The following TUBA4B variants were observed in gnomAD, a reference collection of about 807,000 sequenced individuals.
The protein encoded by TUBA4B is tubulin-like protein alpha-4B.
Under a neutral mutation model 18.4 loss-of-function variants are expected in TUBA4B, and 13 were observed. That is an observed-to-expected ratio of 0.71 (90% CI 0.46 to 1.12). The LOEUF (loss-of-function observed/expected upper bound fraction) is 1.12, where lower values mean the gene tolerates loss of function less well. TUBA4B is among the 50% of genes most tolerant of loss of function. TUBA4B has a pLI of 0.00. For missense variants in TUBA4B, 244 were observed against 250.0 expected, an observed-to-expected ratio of 0.98 and a Z score of 0.16; for synonymous variants, 101 against 99.1, an observed-to-expected ratio of 1.02 and a Z score of -0.11.
intron 1 of TUBA4B, among the ~76,000 whole-genome samples, chr2:219,265,032 A>C (rs1326459840): frequency 1.3e-5 from 2 of 152,160 alleles, no homozygotes; most frequent in African/African-American, 4.8e-5. Flanking sequence ...TGTTGAAGCT[A>C]GTGGGAGGCA....
At chr2:219,267,855 A>G (rs1574894017) in intron 2 of TUBA4B, among the ~76,000 whole-genome samples, 1 of 151,750 alleles carries the variant, frequency 6.6e-6, no homozygotes, top group Non-Finnish European at 1.5e-5. Flanking sequence ...GAGCCACTGC[A>G]CCCGGCCAGG....
At chr2:219,265,488 T>G (rs555046449) in intron 1 of TUBA4B, among the ~76,000 whole-genome samples, 19 of 152,138 alleles carry the variant, frequency 1.2e-4, no homozygotes, top group African/African-American at 4.1e-4. Flanking sequence ...AATATAAAAA[T>G]TAGCCAGGCC....
At position 219,253,405 on chromosome 2, in the gene TUBA4B, G is replaced by C; in HGVS notation, c.-3G>C. 4 of 1,531,322 alleles carry C rather than the reference G, an allele frequency of 2.6e-6. No homozygotes were observed. In the South Asian group the frequency reaches 4.8e-5, roughly 18 times the overall value. 94.9% of individuals were successfully genotyped at this position (1,531,322 alleles called of 1,614,324 possible). A position where few individuals can be genotyped will look rare whatever the true frequency, so the allele number is the denominator to read the frequency against. On this transcript the variant is annotated 5_prime_UTR_variant, in exon 1 of 4. Coordinates refer to ENST00000490341, the MANE Select transcript of TUBA4B (RefSeq NM_001355221.1). ...TTGGAATGCATACACAGAGGAAAGG[G>C]GGATGCGGCACCAGGTAACCTGACC...
chr2:219,261,433 G>C (rs959082338), intron 1 of TUBA4B, among the ~76,000 whole-genome samples: 1 of 152,184 alleles, frequency 6.6e-6, no homozygotes, highest in Admixed American at 6.5e-5. Flanking sequence ...GAGGGAGGGA[G>C]TTAAATGGCC....
At chr2:219,256,865 A>C (rs1411045519) in intron 1 of TUBA4B, among the ~76,000 whole-genome samples, 4 of 152,160 alleles carry the variant, frequency 2.6e-5, no homozygotes, top group Admixed American at 1.3e-4. Flanking sequence ...GGTCAAAAGT[A>C]AGTAGAGGTC....
At chr2:219,262,996 G>T (rs1234162021) in intron 1 of TUBA4B, among the ~76,000 whole-genome samples, 1 of 151,354 alleles carries the variant, frequency 6.6e-6, no homozygotes, top group Non-Finnish European at 1.5e-5. Flanking sequence ...AGCCGAGATA[G>T]CACCACTGCA....
chr2:219,268,821 G>A (rs922112673), intron 2 of TUBA4B, among the ~76,000 whole-genome samples: 4 of 152,152 alleles, frequency 2.6e-5, no homozygotes, highest in Non-Finnish European at 4.4e-5. Flanking sequence ...TAGGCTGGGC[G>A]GCGGTGGCTC....
chr2:219,253,375 G>A lies in TUBA4B; in HGVS notation c.-33G>A, dbSNP rs1317207812. Reference sequence around the variant, plus strand: ...GTCACGGGGGGGGGGTGGTTCTGTGGATAGTTGGAATGCATACACAGAGGA... The same window carrying A: ...GTCACGGGGGGGGGGTGGTTCTGTGAATAGTTGGAATGCATACACAGAGGA... On this transcript the variant is annotated 5_prime_UTR_variant, in exon 1 of 4. Transcript: ENST00000490341. The A allele has an allele frequency of 6.5e-7, 1 of 1,535,592 alleles. No individual in the cohort carries two copies. Among genetic ancestry groups the A allele is most frequent in the Non-Finnish European group, 8.7e-7 (1 of 1,146,738 alleles).
Position 219,265,543 on chromosome 2 carries a change from A to G in TUBA4B, c.13-978A>G, listed in dbSNP as rs575052465. 3.9e-5 allele frequency among the ~76,000 whole-genome samples: 6 copies of G among 152,326 alleles called. No individual in the cohort carries two copies. In the East Asian group the frequency reaches 1.2e-3, roughly 29 times the overall value. On this transcript the variant is annotated intron_variant, in intron 1 of 3. Coordinates refer to ENST00000490341, the MANE Select transcript of TUBA4B (RefSeq NM_001355221.1). ...TCCCAGCTACTCAGGAGGCTGAGGC[A>G]GGAGAATCGCTCGAACCCCGGAGGT...
At chr2:219,262,308 C>T (rs546393651) in intron 1 of TUBA4B, among the ~76,000 whole-genome samples, 1 of 152,276 alleles carries the variant, frequency 6.6e-6, no homozygotes, top group East Asian at 1.9e-4. Flanking sequence ...GAGCGAGACT[C>T]GAGACTCTGT....
intron 1 of TUBA4B, among the ~76,000 whole-genome samples, chr2:219,263,921 G>C (rs1951773755): frequency 1.3e-5 from 2 of 152,152 alleles, no homozygotes; most frequent in Middle Eastern, 3.2e-3. Context: ...ACTACTTCCT[G>C]GATAGGGTTG....
rs747681941 is a variant in TUBA4B at position 219,271,208 on chromosome 2, A to T, written c.235A>T (p.Ser79Cys). ...TGLQGFLVFH[S>C]LGRGTGSDVT... is the part of the protein sequence containing the mutation. ...ACTTCAGGGCTTCCTGGTGTTCCAC[A>T]GCCTTGGTCGGGGCACTGGCTCTGA... Residue 79 changes from serine to cysteine, a missense_variant, in exon 4 of 4, where the codon AGC becomes TGC. Physicochemically the swap from Ser to Cys is moderately radical, Grantham distance 112. Transcript: ENST00000490341. 3 of 1,120,322 alleles carry T rather than the reference A, an allele frequency of 2.7e-6. No homozygotes were observed. The East Asian group carries it at 7.0e-5, about 26-fold the overall frequency. The allele number at this position is 1,120,322 out of a possible 1,614,324, so 69.4% of individuals were successfully genotyped here. A position where few individuals can be genotyped will look rare whatever the true frequency, so the allele number is the denominator to read the frequency against.
chr2:219,268,210 G>C (rs914911741), intron 2 of TUBA4B, among the ~76,000 whole-genome samples: 1 of 148,868 alleles, frequency 6.7e-6, no homozygotes, highest in Non-Finnish European at 1.5e-5. Flanking sequence ...CTGGGTTCAA[G>C]CAATTCTCCT....
intron 2 of TUBA4B, among the ~76,000 whole-genome samples, chr2:219,266,923 C>A (rs966740363): frequency 3.9e-5 from 6 of 152,126 alleles, no homozygotes; most frequent in African/African-American, 1.4e-4. Flanking sequence ...GATCTCCAGA[C>A]CCTGGGCCTT....
rs528629458 is a variant in TUBA4B, at chr2:219,270,289, T to C, written c.146T>C (p.Ile49Thr). ...ANNYAWGHYT[I>T]GKEFIDLLLD... ...AACTATGCCTGGGGCCACTACACCA[T>C]TGGGAAGGAGTTCATCGACCTGCTA... The change falls in exon 3 of 4, where the codon ATT becomes ACT. Residue 49 changes from isoleucine to threonine, a missense_variant. Physicochemically the swap from Ile to Thr is moderately conservative, Grantham distance 89. Transcript: ENST00000490341. 138 of 763,978 alleles carry C rather than the reference T, an allele frequency of 1.8e-4. 3 individuals are homozygous for C. The highest frequency in any genetic ancestry group is 1.8e-3 in the South Asian group (130 of 72,672). The allele number at this position is 763,978 out of a possible 1,614,324, so 47.3% of individuals were successfully genotyped here. A position where few individuals can be genotyped will look rare whatever the true frequency, so the allele number is the denominator to read the frequency against.
At chr2:219,265,021 A>G (rs575141180) in intron 1 of TUBA4B, among the ~76,000 whole-genome samples, 12 of 152,240 alleles carry the variant, frequency 7.9e-5, no homozygotes, top group African/African-American at 1.9e-4. Context: ...TCAAACAAGG[A>G]TGTTGAAGCT....
In TUBA4B at chr2:219,271,954, C is replaced by T; in HGVS notation, c.*255C>T. ...ATGACAGCCATCACTATGGCCTGGG[C>T]CCGCCTGGACCACAAGTTTGACCTG... On this transcript the variant is annotated 3_prime_UTR_variant, in exon 4 of 4. Coordinates refer to ENST00000490341, the MANE Select transcript of TUBA4B (RefSeq NM_001355221.1). 1 of 1,518,378 alleles carries T rather than the reference C, an allele frequency of 6.6e-7. No homozygotes were observed. The highest frequency in any genetic ancestry group is 1.1e-5 in the South Asian group (1 of 89,052). 94.1% of individuals were successfully genotyped at this position (1,518,378 alleles called of 1,614,324 possible).
In TUBA4B at chr2:219,256,541, C is replaced by T. The variant is rs530658819; in HGVS notation, c.12+3122C>T. The stretch of plus-strand genomic sequence containing the variant: ...ATGTCCACATCCTCATCTCCAGGAC[C>T]TGTGACTGTTACCTTACATGGCAAA... On this transcript the variant is annotated intron_variant, in intron 1 of 3. Coordinates refer to ENST00000490341, the MANE Select transcript of TUBA4B (RefSeq NM_001355221.1). Among the ~76,000 whole-genome samples the T allele has an allele frequency of 1.1e-3, 166 of 152,336 alleles. 1 individual carries two copies. Among genetic ancestry groups the T allele is most frequent in the African/African-American group, 3.4e-3 (143 of 41,570 alleles).
At position 219,271,240 on chromosome 2, in the gene TUBA4B, C is replaced by T; in HGVS notation, c.267C>T (p.Thr89=). 1 of 1,312,924 alleles carries T rather than the reference C, an allele frequency of 7.6e-7. No homozygotes were observed. Among genetic ancestry groups the T allele is most frequent in the Non-Finnish European group, 1.1e-6 (1 of 905,650 alleles). 81.3% of individuals were successfully genotyped at this position (1,312,924 alleles called of 1,614,324 possible). Residue 89 remains threonine, a synonymous_variant, in exon 4 of 4, where the codon ACC becomes ACT. Coordinates refer to ENST00000490341, the MANE Select transcript of TUBA4B (RefSeq NM_001355221.1). ...GTCGGGGCACTGGCTCTGACGTCAC[C>T]TCATTCCTGATGGAGTGGCTTTCTG... ...SLGRGTGSDV[T]SFLMEWLSVN... is the part of the protein sequence containing the mutation.
Sources: gnomAD v4.1 joint callset for allele counts (sites outside exome capture counted in the v4.1 genomes callset) on GRCh38, gnomAD v4.1.1 for gene constraint, MANE v1.5 for transcripts, NCBI Gene and HGNC (gene_info 2026-07-23, HGNC 2026-07-21) for gene names.